ANO9: variants seen among roughly 807,000 people sequenced by gnomAD.
ANO9 encodes anoctamin 9, also known as anoctamin-9.
In ANO9, 80 loss-of-function variants were observed where a neutral mutation model predicts 100.5. The ratio of observed to expected loss-of-function variants is 0.80; its 90% confidence interval spans 0.66 to 0.96. The LOEUF (loss-of-function observed/expected upper bound fraction) is 0.96. Among genes scored for constraint, ANO9 ranks in the 40% least tolerant of loss-of-function variants. The probability of loss-of-function intolerance (pLI) is 0.00; values close to 1 mark genes in which losing one functional copy is unlikely to be tolerated. For synonymous variants in ANO9, 473 were observed against 435.6 expected (o/e 1.09, Z -1.07); for missense variants, 1,064 against 1,072.7 (o/e 0.99, Z 0.11).
At chr11:431,641 G>A (rs373381257) in intron 7 of ANO9, 53 bp downstream of exon 7, 4 of 1,596,458 alleles carry the variant, frequency 2.5e-6, no homozygotes, top group Admixed American at 1.7e-5. Context: ...GGGGGCGTCC[G>A]CAGGAGGCGG....
intron 1 of ANO9, among the ~76,000 whole-genome samples, chr11:437,413 C>T (rs958325918): frequency 6.8e-6 from 1 of 148,102 alleles, no homozygotes; most frequent in Non-Finnish European, 1.5e-5. Context: ...GGGGGAAGTT[C>T]TTGCCCTAGT....
chr11:430,816 G>A (rs1352141879), intron 7 of ANO9, among the ~76,000 whole-genome samples: 22 of 46,832 alleles, frequency 4.7e-4, no homozygotes, highest in South Asian at 9.8e-4. Context: ...GTGTGGGGGC[G>A]TCCGCGGGTA....
At chr11:420,313 G>GCATC in intron 19 of ANO9, 150 bp downstream of exon 19, 1 of 1,451,154 alleles carries the variant, frequency 6.9e-7, no homozygotes, top group Non-Finnish European at 9.1e-7. Context: ...GGCTCAACCC[G>GCATC]CATCCGAGGC....
Position 420,602 on chromosome 11 carries a change from G to A in ANO9, c.1647C>T (p.Gly549=), listed in dbSNP as rs776018371. ...DEFMEMMIQY[G]FTTIFVAAFP... ...AGGCGGCCACGAAGATGGTGGTGAAGCCGTACTGGATCACTGCGCGGTGGG... is the reference window on the plus strand; with the variant it reads ...AGGCGGCCACGAAGATGGTGGTGAAACCGTACTGGATCACTGCGCGGTGGG... The change falls in exon 19 of 23, where the codon GGC becomes GGT. Residue 549 remains glycine, a synonymous_variant. Transcript: ENST00000332826. 6.2e-7 allele frequency: 1 copy of A among 1,604,862 alleles called. No individual in the cohort carries two copies. Among genetic ancestry groups the A allele is most frequent in the Non-Finnish European group, 8.5e-7 (1 of 1,179,506 alleles).
Position 420,474 on chromosome 11 carries a change from G to T in ANO9, c.1775C>A (p.Ala592Asp). ...WLQRRLVPRK[A>D]KDIGTWLQVL... ...CCGCCCGGTCTGACCGATGTCCTTG[G>T]CCTTGCGCGGCACCAGGCGCCGCTG... The change falls in exon 19 of 23, where the codon GCC becomes GAC. Residue 592 changes from alanine (A) to aspartate (D), a missense_variant. Ala to Asp is a moderately radical substitution (Grantham distance 126, BLOSUM62 -2). Coordinates refer to ENST00000332826, the MANE Select transcript of ANO9 (RefSeq NM_001012302.3). 6.2e-7 allele frequency: 1 copy of T among 1,602,682 alleles called. No individual in the cohort carries two copies. The highest frequency in any genetic ancestry group is 8.5e-7 in the Non-Finnish European group (1 of 1,179,412).
At chr11:441,833 G>C (rs1322810525) in intron 1 of ANO9, 88 bp downstream of exon 1, 10 of 1,535,424 alleles carry the variant, frequency 6.5e-6, no homozygotes, top group Non-Finnish European at 5.2e-6. Flanking sequence ...TTCCAGGTGG[G>C]GCTGGCGGGG....
Position 429,721 on chromosome 11 carries a change from TC to T in ANO9, c.832+36del, listed in dbSNP as rs751624319. ...GGACCTCGGAGCTTGGGCTGGCACT[TC>T]CCCTGGCCCCGCAGAGGCGTCCCGC... On this transcript the variant is annotated intron_variant, in intron 10 of 22. Transcript: ENST00000332826. 13 of 1,611,804 alleles carry T rather than the reference TC, an allele frequency of 8.1e-6. No individual in the cohort carries two copies. The Admixed American group carries it at 2.0e-4, about 25-fold the overall frequency.
chr11:420,628 G>A lies in ANO9; in HGVS notation c.1634-13C>T. The stretch of plus-strand genomic sequence containing the variant: ...CCGTACTGGATCACTGCGCGGTGGG[G>A]GTCAGGCTCACCGGCGCCCCGCACT... On this transcript the variant is annotated splice_polypyrimidine_tract_variant and intron_variant, in intron 18 of 22. Transcript: ENST00000332826. 1 of 1,603,868 alleles carries A rather than the reference G, an allele frequency of 6.2e-7. No homozygotes were observed. Among genetic ancestry groups the A allele is most frequent in the Non-Finnish European group, 8.5e-7 (1 of 1,178,528 alleles).
At chr11:433,725 C>CT in intron 3 of ANO9, 90 bp downstream of exon 3, 7 of 1,481,764 alleles carry the variant, frequency 4.7e-6, no homozygotes, top group Non-Finnish European at 6.3e-6. Flanking sequence ...CTGCCCCTCG[C>CT]TGGGCACCCG....
chr11:418,557 G>A lies in ANO9; in HGVS notation c.2163C>T (p.Ala721=). 4.3e-6 allele frequency: 7 copies of A among 1,613,078 alleles called. No homozygotes were observed. The highest frequency in any genetic ancestry group is 4.2e-6 in the Non-Finnish European group (5 of 1,180,006). ...ACTGAGGGATGTCGGGCACGAACCA[G>A]GCGGCGATGAGCTTGATGCACAAGG... ...HVALCIKLIA[A]WFVPDIPQSV... is the part of the protein sequence containing the mutation. Residue 721 remains alanine (A), a synonymous_variant, in exon 23 of 23, where the codon GCC becomes GCT. Transcript: ENST00000332826.
At position 432,243 on chromosome 11, in the gene ANO9, C is replaced by T. The variant is rs557722503; in HGVS notation, c.351-189G>A. On this transcript the variant is annotated intron_variant, in intron 4 of 22. Coordinates refer to ENST00000332826, the MANE Select transcript of ANO9 (RefSeq NM_001012302.3). The surrounding 1 kb of genome is among the most constrained non-coding windows in gnomAD (Gnocchi z 4.8). Reference sequence around the variant, plus strand: ...CCCACCCCGCACCCTCCTTAAAGTGCTCCCAGGGCCTGGCCTGCCCCACGG... The same window carrying T: ...CCCACCCCGCACCCTCCTTAAAGTGTTCCCAGGGCCTGGCCTGCCCCACGG... 3.0e-4 allele frequency: 185 copies of T among 614,572 alleles called. No homozygotes were observed. Among genetic ancestry groups the T allele is most frequent in the Admixed American group, 1.4e-3 (49 of 33,952 alleles). The allele number at this position is 614,572 out of a possible 1,614,324, so 38.1% of individuals were successfully genotyped here.
chr11:420,818 G>A lies in ANO9; in HGVS notation c.1533C>T (p.Ser511=), dbSNP rs371262598. 8.6e-5 allele frequency: 137 copies of A among 1,592,108 alleles called. No homozygotes were observed. Among genetic ancestry groups the A allele is most frequent in the Admixed American group, 1.9e-4 (11 of 58,266 alleles). ...GCTCGGGGTCCCGGGGCAGGTGCCCGGACTCGGAGGCCCGCAGAGAGCGGC... is the reference window on the plus strand; with the variant it reads ...GCTCGGGGTCCCGGGGCAGGTGCCCAGACTCGGAGGCCCGCAGAGAGCGGC... The part of the protein sequence containing the change: ...HKCRSLRASE[S]GHLPRDPELR... Residue 511 remains serine, a synonymous_variant, in exon 18 of 23, where the codon TCC becomes TCT. Coordinates refer to ENST00000332826, the MANE Select transcript of ANO9 (RefSeq NM_001012302.3).
At chr11:424,757 C>T (rs1242924503) in intron 15 of ANO9, among the ~76,000 whole-genome samples, 2 of 151,976 alleles carry the variant, frequency 1.3e-5, no homozygotes, top group African/African-American at 2.4e-5. Flanking sequence ...TAATTGAAAT[C>T]CTCAAGAACA....
chr11:428,921 G>C, intron 11 of ANO9, 95 bp from the exon 12 acceptor site: 2 of 1,180,766 alleles, frequency 1.7e-6, no homozygotes, highest in Non-Finnish European at 2.5e-6. Context: ...GGACAGACAC[G>C]GGACACTCAC....
rs1473997277 is a variant in ANO9 at position 420,986 on chromosome 11, G to A, written c.1449C>T (p.Gly483=). The A allele has an allele frequency of 2.5e-6, 4 of 1,607,560 alleles. No homozygotes were observed. The highest frequency in any genetic ancestry group is 2.2e-5 in the East Asian group (1 of 44,690). The change falls in exon 17 of 23, where the codon GGC becomes GGT. Residue 483 remains glycine, a synonymous_variant. Transcript: ENST00000332826. ...DLFVQMAIIM[G]LKQTLSNCVE... is the part of the protein sequence containing the mutation. ...CGCAGTTGCTGAGCGTCTGCTTCAG[G>A]CCCATGATGATGGCCATCTGCACGA...
rs369200543 is a variant in ANO9, at chr11:433,951, G to A, written c.82-14C>T. On this transcript the variant is annotated splice_polypyrimidine_tract_variant and intron_variant, in intron 2 of 22. Transcript: ENST00000332826. ...GGAGGCCTCGGTCTGCAGGGAGGAG[G>A]CATGGGGCCAGGCGCAGGTGAAGGG... is the stretch of plus-strand genomic sequence containing the variant. 1.9e-6 allele frequency: 3 copies of A among 1,557,222 alleles called. No individual in the cohort carries two copies. The African/African-American group carries it at 4.1e-5, about 21-fold the overall frequency.
intron 7 of ANO9, 78 bp downstream of exon 7, chr11:431,616 C>T (rs1590480715): frequency 2.1e-6 from 3 of 1,445,560 alleles, no homozygotes; most frequent in Non-Finnish European, 2.8e-6. Context: ...GGTGTGGGGG[C>T]GTCCGCGGGT....
rs753819769 is a variant in ANO9 at position 432,101 on chromosome 11, G to C, written c.351-47C>G. On this transcript the variant is annotated intron_variant, in intron 4 of 22. Coordinates refer to ENST00000332826, the MANE Select transcript of ANO9 (RefSeq NM_001012302.3). The surrounding 1 kb of genome is among the most constrained non-coding windows in gnomAD (Gnocchi z 4.8). ...GCCCCGTGTGACCACAGTGGACCCT[G>C]CCTCCAGGTCTCAACCTGCCCTCTG... The C allele has an allele frequency of 1.9e-6, 3 of 1,604,588 alleles. No homozygotes were observed. The highest frequency in any genetic ancestry group is 2.6e-6 in the Non-Finnish European group (3 of 1,174,418).
chr11:421,969 C>T lies in ANO9; in HGVS notation c.1335-771G>A, dbSNP rs1458135719. On this transcript the variant is annotated intron_variant, in intron 15 of 22. Transcript: ENST00000332826. The surrounding 1 kb of genome is among the most constrained non-coding windows in gnomAD (Gnocchi z 6.8). ...TACATTTGCAAAGAAAAAAATGACT[C>T]TTTTAGAAAACATGATTATGTACCT... Among the ~76,000 whole-genome samples, 1 of 152,180 alleles carries T rather than the reference C, an allele frequency of 6.6e-6. No individual in the cohort carries two copies. Among genetic ancestry groups the T allele is most frequent in the Non-Finnish European group, 1.5e-5 (1 of 68,040 alleles).
Sources: gnomAD v4.1 joint callset for allele counts (sites outside exome capture counted in the v4.1 genomes callset) on GRCh38, gnomAD v4.1.1 for gene constraint, Gnocchi (gnomAD v3.1) non-coding constraint, MANE v1.5 for transcripts, NCBI Gene and HGNC (gene_info 2026-07-23, HGNC 2026-07-21) for gene names.